SPPL3: variants seen among roughly 807,000 people sequenced by gnomAD.
SPPL3 encodes the protein signal peptide peptidase like 3.
Under a neutral mutation model 42.4 loss-of-function variants are expected in SPPL3, and 5 were observed. That is an observed-to-expected ratio of 0.12 (90% CI 0.06 to 0.25). The LOEUF is 0.25. Among genes scored for constraint, SPPL3 ranks in the 10% least tolerant of loss-of-function variants. The pLI, the probability that SPPL3 is intolerant of heterozygous loss-of-function variation, is 1.00. For missense variants in SPPL3, 235 were observed against 489.0 expected (o/e 0.48, Z 4.90); for synonymous variants, 195 against 181.8 (o/e 1.07, Z -0.58).
intron 2 of SPPL3, among the ~76,000 whole-genome samples, chr12:120,796,718 T>C (rs2136990287): frequency 6.6e-6 from 1 of 152,348 alleles, no homozygotes; most frequent in East Asian, 1.9e-4. Context: ...AGGGTAATTA[T>C]TCTCTATCAT....
intron 1 of SPPL3, among the ~76,000 whole-genome samples, chr12:120,815,617 G>A (rs1870843184): frequency 6.6e-6 from 1 of 152,122 alleles, no homozygotes; most frequent in Non-Finnish European, 1.5e-5. Context: ...CAAATTCACT[G>A]CCTTAAAGTC....
chr12:120,814,977 T>TTTTTGTTTTGTTTTG (rs199854710), intron 1 of SPPL3, among the ~76,000 whole-genome samples: 3 of 150,884 alleles, frequency 2.0e-5, no homozygotes, highest in African/African-American at 2.4e-5. Context: ...TGCCCCACAG[T>TTTTTGTTTTGTTTTG]TTTTGTTTTG....
At chr12:120,879,062 G>A (rs899171084) in intron 1 of SPPL3, among the ~76,000 whole-genome samples, 1 of 137,726 alleles carries the variant, frequency 7.3e-6, no homozygotes, top group Non-Finnish European at 1.5e-5. Flanking sequence ...GTGGTGAGCC[G>A]AGATCGCGCC....
chr12:120,765,437 A>C (rs1253267407), intron 10 of SPPL3, among the ~76,000 whole-genome samples: 1 of 151,310 alleles, frequency 6.6e-6, no homozygotes, highest in Non-Finnish European at 1.5e-5. Flanking sequence ...ACAGGCACTC[A>C]CCACCATGCC....
rs568308029 is a variant in SPPL3 at position 120,873,698 on chromosome 12, C to A, written c.23+30147G>T. On this transcript the variant is annotated intron_variant, in intron 1 of 10. Transcript: ENST00000353487. ...GACCAGCCTGACCAACATGTGAAAC[C>A]CCGTCTCTAATAAAAATACAAAAAT... is the stretch of plus-strand genomic sequence containing the variant. Among the ~76,000 whole-genome samples, 143 of 152,046 alleles carry A rather than the reference C, an allele frequency of 9.4e-4. 1 individual carries two copies. The highest frequency in any genetic ancestry group is 3.4e-3 in the African/African-American group (139 of 41,458).
intron 1 of SPPL3, among the ~76,000 whole-genome samples, chr12:120,865,186 T>G (rs1872722854): frequency 2.0e-5 from 3 of 152,136 alleles, no homozygotes; most frequent in African/African-American, 7.2e-5. Context: ...TCAAGATTGG[T>G]TACTGTTTTA....
At chr12:120,856,335 G>A (rs1872456018) in intron 1 of SPPL3, among the ~76,000 whole-genome samples, 1 of 151,358 alleles carries the variant, frequency 6.6e-6, no homozygotes. Flanking sequence ...TTGTGGTCTT[G>A]AGGATGTGAT....
intron 1 of SPPL3, among the ~76,000 whole-genome samples, chr12:120,844,814 G>A (rs1174579123): frequency 1.3e-5 from 2 of 151,402 alleles, no homozygotes; most frequent in Non-Finnish European, 2.9e-5. Flanking sequence ...AAGGGCCCAC[G>A]GGCCTACATC....
chr12:120,832,284 ATTG>A (rs1183969342), intron 1 of SPPL3, among the ~76,000 whole-genome samples: 2 of 152,194 alleles, frequency 1.3e-5, no homozygotes, highest in East Asian at 3.8e-4. Flanking sequence ...TCCCCCAAGA[ATTG>A]TGAGATTGGT....
intron 1 of SPPL3, among the ~76,000 whole-genome samples, chr12:120,839,563 T>G (rs1474079453): frequency 6.6e-6 from 1 of 152,164 alleles, no homozygotes; most frequent in South Asian, 2.1e-4. Context: ...TCATCTTAAA[T>G]TTAATTCTTT....
intron 1 of SPPL3, among the ~76,000 whole-genome samples, chr12:120,875,635 AAAAG>A (rs1873063435): frequency 6.6e-6 from 1 of 152,068 alleles, no homozygotes. Flanking sequence ...AAAAAAAAAA[AAAAG>A]AGATAAAATG....
At chr12:120,786,900 A>C (rs1869738777) in intron 3 of SPPL3, among the ~76,000 whole-genome samples, 1 of 152,256 alleles carries the variant, frequency 6.6e-6, no homozygotes, top group Non-Finnish European at 1.5e-5. Flanking sequence ...AGCCATAATT[A>C]GGAGGACATA....
At chr12:120,899,024 A>G (rs1873891950) in intron 1 of SPPL3, among the ~76,000 whole-genome samples, 1 of 152,212 alleles carries the variant, frequency 6.6e-6, no homozygotes, top group African/African-American at 2.4e-5. Flanking sequence ...ACTTACACTA[A>G]AACTGCTCAT....
chr12:120,824,982 T>A (rs555101754), intron 1 of SPPL3, among the ~76,000 whole-genome samples: 1 of 152,214 alleles, frequency 6.6e-6, no homozygotes, highest in East Asian at 1.9e-4. Flanking sequence ...ATGGAACAAA[T>A]GTTAAAGGGT....
In SPPL3 at chr12:120,871,130, C is replaced by CAAAAAAAAAAAAAAAAAAAAAAAAA. The variant is rs71453512; in HGVS notation, c.23+32714_23+32715insTTTTTTTTTTTTTTTTTTTTTTTTT. Among the ~76,000 whole-genome samples the CAAAAAAAAAAAAAAAAAAAAAAAAA allele has an allele frequency of 7.4e-4, 38 of 51,700 alleles. 2 individuals carry two copies. The highest frequency in any genetic ancestry group is 2.0e-3 in the East Asian group (2 of 998). 33.9% of individuals were successfully genotyped at this position (51,700 alleles called of 152,430 possible). A position where few individuals can be genotyped will look rare whatever the true frequency, so the allele number is the denominator to read the frequency against. On this transcript the variant is annotated intron_variant, in intron 1 of 10. Coordinates refer to ENST00000353487, the MANE Select transcript of SPPL3 (RefSeq NM_139015.5). ...GGGCGACAGAGTGAGACTCCGTCTC[C>CAAAAAAAAAAAAAAAAAAAAAAAAA]AAAAAAAAAAAAAAAAAAAGAAAAA...
At chr12:120,861,898 T>G (rs1379725283) in intron 1 of SPPL3, among the ~76,000 whole-genome samples, 1 of 152,170 alleles carries the variant, frequency 6.6e-6, no homozygotes, top group Non-Finnish European at 1.5e-5. Context: ...ATTGGGAATA[T>G]CACTTTGGGC....
Position 120,769,037 on chromosome 12 carries a change from G to A in SPPL3, c.525C>T (p.Val175=), listed in dbSNP as rs752774178. ...GCAGGCGGACAAAGGCGATCATGGC[G>A]ACACAGAGGCCCATGGCCAGTGCTG... The part of the protein sequence containing the change: ...LMDALAMGLC[V]AMIAFVRLPS... Residue 175 remains valine (V), a synonymous_variant, in exon 7 of 11, where the codon GTC becomes GTT. Coordinates refer to ENST00000353487, the MANE Select transcript of SPPL3 (RefSeq NM_139015.5). 4.2e-5 allele frequency: 67 copies of A among 1,606,670 alleles called. No homozygotes were observed. Among genetic ancestry groups the A allele is most frequent in the East Asian group, 1.3e-4 (6 of 44,734 alleles).
At chr12:120,795,679 T>A (rs2136989549) in intron 2 of SPPL3, among the ~76,000 whole-genome samples, 1 of 152,312 alleles carries the variant, frequency 6.6e-6, no homozygotes, top group Non-Finnish European at 1.5e-5. Flanking sequence ...AGCTACTGAT[T>A]ATGTGTCTTG....
chr12:120,769,434 G>A (rs1281848610), intron 6 of SPPL3: 1 of 173,736 alleles, frequency 5.8e-6, no homozygotes, highest in Non-Finnish European at 1.2e-5. Flanking sequence ...TTCACTGGAG[G>A]CATCATCCCA....
Sources: allele counts gnomAD v4.1 joint callset (sites outside exome capture counted in the v4.1 genomes callset), GRCh38; gene constraint gnomAD v4.1.1; transcripts MANE v1.5; gene names NCBI Gene and HGNC (gene_info 2026-07-23, HGNC 2026-07-21).